The following TCF7L2 variants were observed in gnomAD, a reference collection of about 807,000 sequenced individuals.
TCF7L2 encodes the protein transcription factor 7-like 2.
TCF7L2 carries 23 observed loss-of-function variants against 77.9 expected under a neutral mutation model. That is an observed-to-expected ratio of 0.30 (90% CI 0.21 to 0.42). TCF7L2 has a LOEUF of 0.42. TCF7L2 is among the 10% of genes least tolerant of loss of function. TCF7L2 has a pLI of 1.00. For missense variants in TCF7L2, 654 were observed against 793.1 expected (o/e 0.82, Z 2.11); for synonymous variants, 413 against 340.2 (o/e 1.21, Z -2.36).
intron 4 of TCF7L2, 26 bp downstream of exon 4, chr10:112,964,650 C>T: frequency 1.3e-6 from 2 of 1,597,632 alleles, no homozygotes; most frequent in East Asian, 2.2e-5. Flanking sequence ...GATTCTGAAG[C>T]TTGAATTGTC....
At chr10:113,098,344 G>A (rs957761725) in intron 5 of TCF7L2, among the ~76,000 whole-genome samples, 2 of 152,104 alleles carry the variant, frequency 1.3e-5, no homozygotes, top group Non-Finnish European at 2.9e-5. Flanking sequence ...TACACTCAAT[G>A]GCATGCAATT....
intron 5 of TCF7L2, among the ~76,000 whole-genome samples, chr10:113,131,317 C>T (rs746546896): frequency 4.6e-5 from 7 of 152,160 alleles, no homozygotes; most frequent in Non-Finnish European, 1.0e-4. Flanking sequence ...ATAGTTCTCT[C>T]GTTGAGCGTA....
intron 5 of TCF7L2, among the ~76,000 whole-genome samples, chr10:113,048,396 T>G (rs1243037172): frequency 6.6e-6 from 1 of 152,194 alleles, no homozygotes; most frequent in Non-Finnish European, 1.5e-5. Context: ...GGTTGATTTC[T>G]TCACATGTGG....
At chr10:113,106,292 A>G (rs1056970320) in intron 5 of TCF7L2, among the ~76,000 whole-genome samples, 14 of 152,194 alleles carry the variant, frequency 9.2e-5, no homozygotes, top group Non-Finnish European at 1.9e-4. Context: ...ACAGTGAGGA[A>G]GCAGAGGCTC....
chr10:113,129,308 TTCCC>T (rs2066175489), intron 5 of TCF7L2: 2 of 986,130 alleles, frequency 2.0e-6, no homozygotes, highest in Non-Finnish European at 2.4e-6. Context: ...GTTGATCATT[TTCCC>T]TCATGGCTGA....
At position 113,062,090 on chromosome 10, in the gene TCF7L2, T is replaced by G. The variant is rs554793490; in HGVS notation, c.552+21964T>G. ...AAAAGTGTGAGTTGTACACCATGACTGGAATCGCTTGGACATACTCTTCAG... is the reference window on the plus strand; with the variant it reads ...AAAAGTGTGAGTTGTACACCATGACGGGAATCGCTTGGACATACTCTTCAG... On this transcript the variant is annotated intron_variant, in intron 5 of 13. Coordinates refer to ENST00000627217, the MANE Select transcript of TCF7L2 (RefSeq NM_001146274.2). Among the ~76,000 whole-genome samples, 34 of 152,300 alleles carry G rather than the reference T, an allele frequency of 2.2e-4. No individual in the cohort carries two copies. The South Asian group carries it at 4.2e-3, about 19-fold the overall frequency.
chr10:113,074,075 C>G (rs2058428586), intron 5 of TCF7L2, among the ~76,000 whole-genome samples: 1 of 152,110 alleles, frequency 6.6e-6, no homozygotes, highest in Non-Finnish European at 1.5e-5. Flanking sequence ...CTGGGGCGGT[C>G]GCAGGCTGAC....
chr10:112,959,787 G>C (rs1024328687), intron 3 of TCF7L2, among the ~76,000 whole-genome samples: 1 of 152,160 alleles, frequency 6.6e-6, no homozygotes, highest in South Asian at 2.1e-4. Context: ...TGGGGTAGGG[G>C]AAGCTGGGCT....
rs1201245533 is a variant in TCF7L2, at chr10:113,151,162, A to C, written c.1001+39A>C. ...TTTTTCTCACCTTCTTCGTAGCCGCAGTGTTCTGCAAGCCTGTTGCAGCTG... is the reference window on the plus strand; with the variant it reads ...TTTTTCTCACCTTCTTCGTAGCCGCCGTGTTCTGCAAGCCTGTTGCAGCTG... On this transcript the variant is annotated intron_variant, in intron 9 of 13. Coordinates refer to ENST00000627217, the MANE Select transcript of TCF7L2 (RefSeq NM_001146274.2). The surrounding 1 kb of genome is among the most constrained non-coding windows in gnomAD (Gnocchi z 5.2). The C allele has an allele frequency of 6.2e-7, 1 of 1,613,438 alleles. No individual in the cohort carries two copies. Among genetic ancestry groups the C allele is most frequent in the African/African-American group, 1.3e-5 (1 of 74,882 alleles).
chr10:113,164,323 G>A (rs140424293), intron 13 of TCF7L2, among the ~76,000 whole-genome samples: 3 of 152,340 alleles, frequency 2.0e-5, no homozygotes, highest in Admixed American at 2.0e-4. Context: ...TGAATGAGTA[G>A]TGAAGAGGGG....
At chr10:113,075,937 A>T (rs1215235562) in intron 5 of TCF7L2, among the ~76,000 whole-genome samples, 3 of 151,960 alleles carry the variant, frequency 2.0e-5, no homozygotes, top group African/African-American at 7.3e-5. Context: ...GGAGTTCGAG[A>T]CACACCTGGC....
In TCF7L2 at chr10:113,165,674, C is replaced by T. The variant is rs1350391597; in HGVS notation, c.1511C>T (p.Pro504Leu). The T allele has an allele frequency of 3.1e-6, 5 of 1,611,114 alleles. No individual in the cohort carries two copies. The highest frequency in any genetic ancestry group is 2.7e-5 in the African/African-American group (2 of 74,734). The change falls in exon 14 of 14, where the codon CCC becomes CTC. Residue 504 changes from proline to leucine, a missense_variant. By Grantham distance (98) the Pro-to-Leu change is moderately conservative. Coordinates refer to ENST00000627217, the MANE Select transcript of TCF7L2 (RefSeq NM_001146274.2). Reference sequence around the variant, plus strand: ...TCCCCGAACCTGCTAGGCTCCCCTCCCCGAGACGCCAAGTCACAGACTGAG... The same window carrying T: ...TCCCCGAACCTGCTAGGCTCCCCTCTCCGAGACGCCAAGTCACAGACTGAG...
chr10:113,010,743 G>A (rs1018835316), intron 4 of TCF7L2, among the ~76,000 whole-genome samples: 1 of 152,252 alleles, frequency 6.6e-6, no homozygotes, highest in African/African-American at 2.4e-5. Flanking sequence ...GCTGGGCGTG[G>A]TGGCTCAGGC....
Position 113,021,270 on chromosome 10 carries a change from C to T in TCF7L2, c.451-18755C>T, listed in dbSNP as rs140413353. On this transcript the variant is annotated intron_variant, in intron 4 of 13. Coordinates refer to ENST00000627217, the MANE Select transcript of TCF7L2 (RefSeq NM_001146274.2). ...AATGGGTAAAATATCAGAGTGCATT[C>T]TGTATGGTAAGACTGCAAATGTTAG... Among the ~76,000 whole-genome samples the T allele has an allele frequency of 4.4e-3, 669 of 152,292 alleles. 2 individuals are homozygous for T. Among genetic ancestry groups the T allele is most frequent in the Admixed American group, 7.4e-3 (113 of 15,294 alleles).
At chr10:112,971,725 G>A (rs1366181517) in intron 4 of TCF7L2, among the ~76,000 whole-genome samples, 3 of 151,548 alleles carry the variant, frequency 2.0e-5, no homozygotes, top group Non-Finnish European at 2.9e-5. Flanking sequence ...CAATTCTCCC[G>A]CCTCAGCCTC....
chr10:112,964,881 A>G (rs916372973), intron 4 of TCF7L2, among the ~76,000 whole-genome samples: 61 of 151,792 alleles, frequency 4.0e-4, no homozygotes, highest in Non-Finnish European at 1.3e-4. Flanking sequence ...TGCTGCTGAA[A>G]TGATTTAGAG....
chr10:113,071,825 G>A (rs1416860816), intron 5 of TCF7L2, among the ~76,000 whole-genome samples: 1 of 152,166 alleles, frequency 6.6e-6, no homozygotes, highest in Non-Finnish European at 1.5e-5. Context: ...GGTCACATTG[G>A]TGCAGATCCT....
intron 5 of TCF7L2, among the ~76,000 whole-genome samples, chr10:113,114,619 C>T (rs1668905348): frequency 1.3e-5 from 2 of 152,160 alleles, no homozygotes; most frequent in African/African-American, 2.4e-5. Flanking sequence ...TTAACTGACT[C>T]ATTGATATAA....
intron 5 of TCF7L2, chr10:113,089,531 G>C (rs1444652060): frequency 2.5e-6 from 4 of 1,613,648 alleles, no homozygotes; most frequent in African/African-American, 1.3e-5. Flanking sequence ...GGGAGCCCTG[G>C]TGTATTGAGG....
Sources: gnomAD v4.1 joint callset for allele counts (sites outside exome capture counted in the v4.1 genomes callset) on GRCh38, gnomAD v4.1.1 for gene constraint, Gnocchi (gnomAD v3.1) non-coding constraint, MANE v1.5 for transcripts, NCBI Gene and HGNC (gene_info 2026-07-23, HGNC 2026-07-21) for gene names.